Variants in TULP4 observed in about 807,000 individuals in gnomAD.
The protein encoded by TULP4 is tubby-related protein 4.
In TULP4, 16 loss-of-function variants were observed where a neutral mutation model predicts 129.0. The observed-to-expected ratio is 0.12, with a 90% CI of 0.08 to 0.19. The LOEUF (loss-of-function observed/expected upper bound fraction) is 0.19. Among genes scored for constraint, TULP4 ranks in the 10% least tolerant of loss-of-function variants. TULP4 has a pLI of 1.00. For missense variants in TULP4, 1,842 were observed against 2,059.1 expected, an observed-to-expected ratio of 0.89 and a Z score of 2.04; for synonymous variants, 998 against 854.0, an observed-to-expected ratio of 1.17 and a Z score of -2.94.
chr6:158,366,489 G>A (rs775487879), intron 1 of TULP4, among the ~76,000 whole-genome samples: 10 of 152,242 alleles, frequency 6.6e-5, no homozygotes, highest in South Asian at 2.1e-4. Flanking sequence ...CATAGCCTCC[G>A]GTAGTGGCCA....
intron 9 of TULP4, among the ~76,000 whole-genome samples, chr6:158,491,431 T>TTTGAGGAGTC (rs1562589145): frequency 1.4e-4 from 2 of 14,680 alleles, no homozygotes; most frequent in African/African-American, 3.3e-4. Flanking sequence ...CTTTCTTTCT[T>TTTGAGGAGTC]TCTTTCTTTC....
chr6:158,298,135 GCAGT>G (rs1779067417), intron 1 of TULP4, among the ~76,000 whole-genome samples: 2 of 152,256 alleles, frequency 1.3e-5, no homozygotes, highest in Admixed American at 1.3e-4. Flanking sequence ...GACCCCGCAG[GCAGT>G]CAGACCTTAT....
intron 1 of TULP4, among the ~76,000 whole-genome samples, chr6:158,370,457 CAAA>C (rs533005080): frequency 1.4e-4 from 4 of 28,894 alleles, no homozygotes; most frequent in Admixed American, 5.9e-4. Context: ...AACTCCATCT[CAAA>C]AAAAAAAAAA....
chr6:158,435,576 T>C (rs1021364946), intron 3 of TULP4, among the ~76,000 whole-genome samples: 1 of 151,924 alleles, frequency 6.6e-6, no homozygotes, highest in Admixed American at 6.6e-5. Context: ...ACCTCAGACC[T>C]CTCCCCTTTT....
intron 1 of TULP4, among the ~76,000 whole-genome samples, chr6:158,316,371 C>A (rs1779493726): frequency 6.6e-6 from 1 of 152,182 alleles, no homozygotes; most frequent in African/African-American, 2.4e-5. Flanking sequence ...TACACCTCAT[C>A]ATTAATGTAT....
intron 1 of TULP4, among the ~76,000 whole-genome samples, chr6:158,318,629 T>G (rs954079337): frequency 1.3e-5 from 2 of 152,220 alleles, no homozygotes; most frequent in Non-Finnish European, 2.9e-5. Context: ...AACATTTTCC[T>G]ACAACTTTAT....
intron 1 of TULP4, among the ~76,000 whole-genome samples, chr6:158,393,700 G>C (rs946453656): frequency 1.3e-5 from 2 of 152,228 alleles, no homozygotes; most frequent in Non-Finnish European, 2.9e-5. Context: ...CTGGGACACA[G>C]GGTGCCATGT....
intron 1 of TULP4, chr6:158,238,418 T>C (rs1036638634): frequency 6.9e-5 from 29 of 419,248 alleles, no homozygotes; most frequent in Non-Finnish European, 1.2e-4. Context: ...TTAAATTGTT[T>C]TTTTTTTTTT....
At position 158,479,920 on chromosome 6, in the gene TULP4, C is replaced by G; in HGVS notation, c.1196C>G (p.Thr399Ser). The change falls in exon 7 of 14, where the codon ACT becomes AGT. Residue 399 changes from threonine to serine, a missense_variant. Physicochemically the swap from Thr to Ser is moderately conservative, Grantham distance 58. Transcript: ENST00000367097. Reference sequence around the variant, plus strand: ...GAGGACAAGGACGTCAGCAAGCTGACTCTGCCCCCCCGCCTCTGCTCCTAC... The same window carrying G: ...GAGGACAAGGACGTCAGCAAGCTGAGTCTGCCCCCCCGCCTCTGCTCCTAC... The part of the protein sequence containing the change: ...LREDKDVSKL[T>S]LPPRLCSYLS... The G allele has an allele frequency of 6.2e-7, 1 of 1,611,590 alleles. No homozygotes were observed. The highest frequency in any genetic ancestry group is 8.5e-7 in the Non-Finnish European group (1 of 1,179,956).
At chr6:158,297,437 G>A (rs560190493) in intron 1 of TULP4, among the ~76,000 whole-genome samples, 6 of 152,148 alleles carry the variant, frequency 3.9e-5, no homozygotes, top group African/African-American at 7.2e-5. Flanking sequence ...ACAGGGTCCC[G>A]AGGTGATGTA....
At chr6:158,314,292 T>G (rs750009011) in intron 1 of TULP4, 24 bp downstream of exon 1, 8 of 1,606,122 alleles carry the variant, frequency 5.0e-6, no homozygotes, top group Non-Finnish European at 6.8e-6. Flanking sequence ...TTGTTTCACT[T>G]TTTGGTCACT....
chr6:158,385,155 G>T (rs1777411078), intron 1 of TULP4, among the ~76,000 whole-genome samples: 2 of 152,086 alleles, frequency 1.3e-5, no homozygotes, highest in Admixed American at 1.3e-4. Flanking sequence ...AAAATAGAAA[G>T]AGTGCATGGT....
At chr6:158,277,701 G>A (rs1330035112), upstream of TULP4, among the ~76,000 whole-genome samples, 1 of 152,130 alleles carries the variant, frequency 6.6e-6, no homozygotes, top group Non-Finnish European at 1.5e-5. Context: ...GGCCTGGAGG[G>A]TAACTTTTGG....
At chr6:158,307,547 T>C (rs928257131), upstream of TULP4, among the ~76,000 whole-genome samples, 2 of 152,232 alleles carry the variant, frequency 1.3e-5, no homozygotes, top group Non-Finnish European at 2.9e-5. Flanking sequence ...GGTGGTGTGA[T>C]GTCGGCTCAC....
intron 1 of TULP4, among the ~76,000 whole-genome samples, chr6:158,330,998 G>A (rs1472602342): frequency 2.0e-5 from 3 of 152,108 alleles, no homozygotes; most frequent in African/African-American, 7.2e-5. Context: ...GTCACATGTG[G>A]AGGTGCACAG....
intron 1 of TULP4, among the ~76,000 whole-genome samples, chr6:158,390,099 A>G (rs1047784847): frequency 6.6e-6 from 1 of 152,182 alleles, no homozygotes; most frequent in African/African-American, 2.4e-5. Flanking sequence ...TAAATTACGT[A>G]AGTCATTTAT....
intron 13 of TULP4, among the ~76,000 whole-genome samples, chr6:158,504,872 A>C (rs1355737513): frequency 1.3e-5 from 2 of 152,186 alleles, no homozygotes; most frequent in Admixed American, 1.3e-4. Flanking sequence ...TGACTTCCTA[A>C]GGAATGTGAG....
intron 11 of TULP4, among the ~76,000 whole-genome samples, chr6:158,497,723 T>C (rs1283105526): frequency 6.6e-6 from 1 of 152,262 alleles, no homozygotes; most frequent in Non-Finnish European, 1.5e-5. Context: ...CCTAGGGCCT[T>C]TCCTGCTATT....
chr6:158,477,808 T>C (rs2128249204), intron 6 of TULP4, among the ~76,000 whole-genome samples: 1 of 152,318 alleles, frequency 6.6e-6, no homozygotes, highest in South Asian at 2.1e-4. Context: ...CATGCATGCA[T>C]ATGTTCATTG....
Sources: gnomAD v4.1 joint callset for allele counts (sites outside exome capture counted in the v4.1 genomes callset) on GRCh38, gnomAD v4.1.1 for gene constraint, MANE v1.5 for transcripts, NCBI Gene and HGNC (gene_info 2026-07-23, HGNC 2026-07-21) for gene names.